LRRFIP2: variants seen among roughly 807,000 people sequenced by gnomAD.
The protein encoded by LRRFIP2 is LRR binding FLII interacting protein 2, also known as leucine-rich repeat flightless-interacting protein 2.
In LRRFIP2, 109 loss-of-function variants were observed where a neutral mutation model predicts 125.9. The ratio of observed to expected loss-of-function variants is 0.87; its 90% CI spans 0.74 to 1.01. The LOEUF is 1.01. LRRFIP2 is among the 50% of genes least tolerant of loss of function. The pLI, the probability that LRRFIP2 is intolerant of heterozygous loss-of-function variation, is 0.00. For synonymous variants in LRRFIP2, 291 were observed against 293.1 expected, an observed-to-expected ratio of 0.99 and a Z score of 0.07; for missense variants, 850 against 862.3, an observed-to-expected ratio of 0.99 and a Z score of 0.18.
chr3:37,081,697 A>G (rs1348773906), intron 19 of LRRFIP2, among the ~76,000 whole-genome samples: 1 of 150,662 alleles, frequency 6.6e-6, no homozygotes, highest in Non-Finnish European at 1.5e-5. Flanking sequence ...CAGCCTGGGC[A>G]ACATGGTGAA....
In LRRFIP2 at chr3:37,057,091, T is replaced by C. The variant is rs150981123; in HGVS notation, c.1870+1699A>G. 6.5e-4 allele frequency among the ~76,000 whole-genome samples: 99 copies of C among 152,322 alleles called. 1 individual carries two copies. The East Asian group carries it at 0.016, about 25-fold the overall frequency. ...CAGGGAAGCTGCTTGCTTTTGTCTTTGCCAGCTTTCCCACAGTCCTGCAAA... is the reference window on the plus strand; with the variant it reads ...CAGGGAAGCTGCTTGCTTTTGTCTTCGCCAGCTTTCCCACAGTCCTGCAAA... On this transcript the variant is annotated intron_variant, in intron 25 of 27. Coordinates refer to ENST00000336686, the MANE Select transcript of LRRFIP2 (RefSeq NM_006309.4).
intron 19 of LRRFIP2, among the ~76,000 whole-genome samples, chr3:37,079,714 T>C (rs1410284218): frequency 1.3e-5 from 2 of 151,954 alleles, no homozygotes; most frequent in Non-Finnish European, 2.9e-5. Context: ...AAATGTAGCA[T>C]ACCCAAAAAA....
intron 21 of LRRFIP2, among the ~76,000 whole-genome samples, chr3:37,068,946 C>T (rs1271445297): frequency 6.6e-6 from 1 of 152,144 alleles, no homozygotes; most frequent in Non-Finnish European, 1.5e-5. Context: ...TGAACTTTAA[C>T]CTGGGAATAA....
At chr3:37,115,159 A>T in intron 6 of LRRFIP2, 64 bp from the exon 7 acceptor site, 1 of 1,142,230 alleles carries the variant, frequency 8.8e-7, no homozygotes, top group Non-Finnish European at 1.3e-6. Context: ...AGAAGAGAAG[A>T]AGTAATATTT....
intron 2 of LRRFIP2, among the ~76,000 whole-genome samples, chr3:37,146,891 T>C (rs2095868260): frequency 6.6e-6 from 1 of 152,132 alleles, no homozygotes. Flanking sequence ...AAAGAGCTTC[T>C]GTAAGGCAAA....
intron 19 of LRRFIP2, among the ~76,000 whole-genome samples, chr3:37,078,906 A>G (rs2092376046): frequency 1.3e-5 from 2 of 152,226 alleles, no homozygotes; most frequent in South Asian, 2.1e-4. Context: ...TTTATCATCA[A>G]AAAGAATAAA....
chr3:37,097,156 T>C (rs562824152), intron 15 of LRRFIP2, among the ~76,000 whole-genome samples: 2 of 147,916 alleles, frequency 1.4e-5, no homozygotes, highest in African/African-American at 5.0e-5. Context: ...TTCCCCCACA[T>C]CAAGGATTTT....
chr3:37,104,255 A>G (rs980040940), intron 14 of LRRFIP2, among the ~76,000 whole-genome samples: 1 of 152,190 alleles, frequency 6.6e-6, no homozygotes, highest in Non-Finnish European at 1.5e-5. Context: ...TAGTATTAAC[A>G]TCCCCAATGT....
chr3:37,079,280 G>T (rs2092410792), intron 19 of LRRFIP2, among the ~76,000 whole-genome samples: 1 of 152,214 alleles, frequency 6.6e-6, no homozygotes, highest in African/African-American at 2.4e-5. Context: ...CAGATAACAA[G>T]TGTTGGTGAG....
intron 20 of LRRFIP2, among the ~76,000 whole-genome samples, chr3:37,073,506 G>A (rs891323352): frequency 6.6e-6 from 1 of 151,916 alleles, no homozygotes; most frequent in Non-Finnish European, 1.5e-5. Context: ...AAATTATTAT[G>A]TCCTCCTTTC....
At chr3:37,166,988 C>T (rs1040847793) in intron 1 of LRRFIP2, among the ~76,000 whole-genome samples, 4 of 151,860 alleles carry the variant, frequency 2.6e-5, no homozygotes, top group Admixed American at 2.6e-4. Context: ...GCACTCCAGC[C>T]TGGGCAACAA....
intron 1 of LRRFIP2, among the ~76,000 whole-genome samples, chr3:37,156,673 C>CAAAAAAAAAAAAAA (rs59647339): frequency 9.8e-5 from 3 of 30,584 alleles, no homozygotes; most frequent in Non-Finnish European, 1.5e-4. Flanking sequence ...GACTCAGTAT[C>CAAAAAAAAAAAAAA]AAAAAAAAAA....
At chr3:37,075,616 T>C (rs903048996) in intron 19 of LRRFIP2, among the ~76,000 whole-genome samples, 1 of 152,090 alleles carries the variant, frequency 6.6e-6, no homozygotes, top group African/African-American at 2.4e-5. Flanking sequence ...CACAACATTA[T>C]AAAAATGCCA....
At chr3:37,082,699 C>T (rs1012595350) in intron 19 of LRRFIP2, among the ~76,000 whole-genome samples, 1 of 152,146 alleles carries the variant, frequency 6.6e-6, no homozygotes, top group Non-Finnish European at 1.5e-5. Context: ...CTATTCATCC[C>T]TCTCCTCCAA....
chr3:37,101,852 T>A (rs1375536986), intron 15 of LRRFIP2, among the ~76,000 whole-genome samples: 2 of 152,098 alleles, frequency 1.3e-5, no homozygotes, highest in Non-Finnish European at 2.9e-5. Context: ...GATGAGCAGG[T>A]AGATCCTAAG....
chr3:37,154,355 G>A (rs1056980923), intron 1 of LRRFIP2, among the ~76,000 whole-genome samples: 14 of 152,102 alleles, frequency 9.2e-5, no homozygotes, highest in African/African-American at 3.4e-4. Context: ...TAGACTCAAA[G>A]GAAACCTTAA....
In LRRFIP2 at chr3:37,097,478, A is replaced by G. The variant is rs941425788; in HGVS notation, c.874-818T>C. ...GCTCTCTTTCTATAATGTAAGCTCT[A>G]TATCAGTATGTTCTTTTCTGTACTC... On this transcript the variant is annotated intron_variant, in intron 15 of 27. Coordinates refer to ENST00000336686, the MANE Select transcript of LRRFIP2 (RefSeq NM_006309.4). Among the ~76,000 whole-genome samples the G allele has an allele frequency of 4.6e-5, 7 of 152,154 alleles. No homozygotes were observed. The East Asian group carries it at 1.2e-3, about 25-fold the overall frequency.
intron 18 of LRRFIP2, among the ~76,000 whole-genome samples, 192 bp downstream of exon 18, chr3:37,091,275 C>T (rs1435410821): frequency 6.6e-6 from 1 of 151,780 alleles, no homozygotes; most frequent in Non-Finnish European, 1.5e-5. Context: ...TATTCAAAAA[C>T]TGTACTACAC....
At chr3:37,139,911 C>G (rs1228253757) in intron 2 of LRRFIP2, among the ~76,000 whole-genome samples, 1 of 152,186 alleles carries the variant, frequency 6.6e-6, no homozygotes, top group African/African-American at 2.4e-5. Flanking sequence ...TGACTGCAAT[C>G]TGGCTTCTGC....
Sources: allele counts gnomAD v4.1 joint callset (sites outside exome capture counted in the v4.1 genomes callset), GRCh38; gene constraint gnomAD v4.1.1; transcripts MANE v1.5; gene names NCBI Gene and HGNC (gene_info 2026-07-23, HGNC 2026-07-21).